Variants in SIPA1L3 observed in about 807,000 individuals in gnomAD.
The protein encoded by SIPA1L3 is signal induced proliferation associated 1 like 3, also known as signal-induced proliferation-associated 1-like protein 3.
SIPA1L3 carries 59 observed loss-of-function variants against 150.1 expected under a neutral mutation model. The observed-to-expected ratio is 0.39, with a 90% CI of 0.32 to 0.49. The LOEUF is 0.49. Ranked by LOEUF, SIPA1L3 falls within the 20% of genes least tolerant of loss-of-function variation. The pLI is 0.86. For missense variants in SIPA1L3, 2,211 were observed against 2,489.5 expected (o/e 0.89, Z 2.38); for synonymous variants, 1,070 against 1,077.6 (o/e 0.99, Z 0.14).
Position 38,160,727 on chromosome 19 carries a change from T to C in SIPA1L3, c.3662-1526T>C, listed in dbSNP as rs561141135. ...TGACATCCACAGCAGCCACTACTCTTAAACCCGCTTCACCTTTGGACCAGC... is the reference window on the plus strand; with the variant it reads ...TGACATCCACAGCAGCCACTACTCTCAAACCCGCTTCACCTTTGGACCAGC... On this transcript the variant is annotated intron_variant, in intron 13 of 21. Transcript: ENST00000222345. 7.2e-5 allele frequency among the ~76,000 whole-genome samples: 11 copies of C among 152,224 alleles called. No homozygotes were observed. In the East Asian group the frequency reaches 2.1e-3, roughly 29 times the overall value.
chr19:37,912,717 G>T (rs974198514), intron 1 of SIPA1L3, among the ~76,000 whole-genome samples: 1 of 133,460 alleles, frequency 7.5e-6, no homozygotes, highest in Admixed American at 7.5e-5. Context: ...GACTGGTCTC[G>T]AAGTCCTGGC....
chr19:38,190,046 C>T (rs1188593270), intron 16 of SIPA1L3, among the ~76,000 whole-genome samples: 1 of 152,016 alleles, frequency 6.6e-6, no homozygotes, highest in Non-Finnish European at 1.5e-5. Flanking sequence ...TGGGAGTGTC[C>T]GTGCACATGT....
chr19:38,123,070 A>G (rs1971060339), intron 9 of SIPA1L3, among the ~76,000 whole-genome samples: 2 of 152,114 alleles, frequency 1.3e-5, no homozygotes, highest in Admixed American at 6.6e-5. Flanking sequence ...GTCGTATGCT[A>G]TAGTGGCCGC....
chr19:38,054,424 T>C (rs1304294114), intron 2 of SIPA1L3, among the ~76,000 whole-genome samples: 2 of 152,194 alleles, frequency 1.3e-5, no homozygotes, highest in African/African-American at 4.8e-5. Context: ...CTGACCAACA[T>C]GGTGAAACCC....
chr19:38,062,434 G>T (rs1969465534), intron 2 of SIPA1L3, among the ~76,000 whole-genome samples: 1 of 152,138 alleles, frequency 6.6e-6, no homozygotes, highest in Non-Finnish European at 1.5e-5. Context: ...TGTAAAGTGG[G>T]GAGAACAGTA....
At chr19:38,063,467 C>T (rs955946389) in intron 2 of SIPA1L3, among the ~76,000 whole-genome samples, 3 of 152,226 alleles carry the variant, frequency 2.0e-5, no homozygotes, top group Admixed American at 2.0e-4. Flanking sequence ...AACAGATGTT[C>T]TTTTACAAGG....
intron 9 of SIPA1L3, among the ~76,000 whole-genome samples, chr19:38,124,188 T>TGGCTGCCGGACGGAGGGG (rs1971110251): frequency 7.4e-6 from 1 of 135,798 alleles, no homozygotes; most frequent in Non-Finnish European, 1.6e-5. Flanking sequence ...GGGCGGAGGG[T>TGGCTGCCGGACGGAGGGG]CTCCTCACTT....
intron 1 of SIPA1L3, among the ~76,000 whole-genome samples, chr19:37,947,006 C>T (rs1236128889): frequency 2.0e-5 from 3 of 151,812 alleles, no homozygotes; most frequent in Non-Finnish European, 4.4e-5. Flanking sequence ...CCAGCCTTGG[C>T]AACATAGTGA....
At chr19:38,197,509 A>G (rs1185696414) in intron 18 of SIPA1L3, among the ~76,000 whole-genome samples, 2 of 151,598 alleles carry the variant, frequency 1.3e-5, no homozygotes, top group Non-Finnish European at 2.9e-5. Context: ...CCGTGTAAAC[A>G]CTGTCCATAC....
chr19:38,007,900 G>T (rs942265001), intron 1 of SIPA1L3, among the ~76,000 whole-genome samples: 1 of 151,996 alleles, frequency 6.6e-6, no homozygotes, highest in Non-Finnish European at 1.5e-5. Flanking sequence ...TGTTTATCAC[G>T]GTCTGATGTT....
chr19:38,049,241 C>T (rs533331459), intron 2 of SIPA1L3, among the ~76,000 whole-genome samples: 2 of 152,302 alleles, frequency 1.3e-5, no homozygotes, highest in African/African-American at 4.8e-5. Context: ...TTCATTCCTT[C>T]CCCCAGTCTG....
chr19:37,940,268 A>T (rs1230939866), intron 1 of SIPA1L3, among the ~76,000 whole-genome samples: 1 of 150,680 alleles, frequency 6.6e-6, no homozygotes, highest in Admixed American at 6.6e-5. Flanking sequence ...GTGACAGGCT[A>T]AAAAAAAACC....
chr19:38,027,444 TTA>T (rs1318528210), intron 1 of SIPA1L3, among the ~76,000 whole-genome samples: 2 of 152,146 alleles, frequency 1.3e-5, no homozygotes, highest in African/African-American at 2.4e-5. Context: ...CCCTGGGGTG[TTA>T]GCTAGCTGCT....
chr19:38,077,838 C>T (rs112399076), intron 2 of SIPA1L3, among the ~76,000 whole-genome samples: 13 of 151,434 alleles, frequency 8.6e-5, no homozygotes, highest in African/African-American at 2.9e-4. Flanking sequence ...ACCCAGCTAA[C>T]GTTTCTATTT....
At chr19:38,124,873 G>A (rs1449634068) in intron 9 of SIPA1L3, among the ~76,000 whole-genome samples, 5 of 152,080 alleles carry the variant, frequency 3.3e-5, no homozygotes, top group African/African-American at 4.8e-5. Context: ...GTGGCGGCGC[G>A]CGCCTGCAAT....
chr19:38,072,295 G>A (rs1297431626), intron 2 of SIPA1L3, among the ~76,000 whole-genome samples: 2 of 152,254 alleles, frequency 1.3e-5, no homozygotes, highest in Non-Finnish European at 2.9e-5. Context: ...CAGGTGTGAA[G>A]TGCTCTGGAA....
At chr19:38,010,446 C>G (rs987009196) in intron 1 of SIPA1L3, among the ~76,000 whole-genome samples, 3 of 149,736 alleles carry the variant, frequency 2.0e-5, no homozygotes, top group African/African-American at 7.4e-5. Flanking sequence ...CACGGTGGCT[C>G]ACTCTTGTAA....
chr19:38,082,519 G>C lies in SIPA1L3; in HGVS notation c.954G>C (p.Pro318=), dbSNP rs756310836. The C allele has an allele frequency of 7.5e-6, 12 of 1,597,640 alleles. No individual in the cohort carries two copies. The Middle Eastern group carries it at 6.6e-4, about 88-fold the overall frequency. The change falls in exon 3 of 22, where the codon CCG becomes CCC. Residue 318 remains proline (P), a synonymous_variant. Transcript: ENST00000222345. ...CCGAGGGGGAGGCTGGGCGTTCCCC[G>C]GGGGAGGCCGACGAGGGCCGGAGCC... ...SKPEGEAGRS[P]GEADEGRSPP...
At chr19:38,116,518 T>A in intron 8 of SIPA1L3, among the ~76,000 whole-genome samples, 2 of 112,238 alleles carry the variant, frequency 1.8e-5, no homozygotes, top group African/African-American at 8.3e-5. Flanking sequence ...GCAGCAAGAC[T>A]CTGTCTCAAA....
Sources: allele counts gnomAD v4.1 joint callset (sites outside exome capture counted in the v4.1 genomes callset), GRCh38; gene constraint gnomAD v4.1.1; transcripts MANE v1.5; gene names NCBI Gene and HGNC (gene_info 2026-07-23, HGNC 2026-07-21).